The following ABCC1 variants were observed in gnomAD, a reference collection of about 807,000 sequenced individuals.
The protein encoded by ABCC1 is multidrug resistance-associated protein 1.
ABCC1 carries 83 observed loss-of-function variants against 172.9 expected under a neutral mutation model. The observed-to-expected ratio is 0.48, with a 90% CI of 0.40 to 0.58. The LOEUF is 0.58. Among genes scored for constraint, ABCC1 ranks in the 20% least tolerant of loss-of-function variants. The pLI is 0.00. For missense variants in ABCC1, 1,817 were observed against 2,002.7 expected, an observed-to-expected ratio of 0.91 and a Z score of 1.77; for synonymous variants, 937 against 825.2, an observed-to-expected ratio of 1.14 and a Z score of -2.32.
chr16:16,136,318 C>G (rs909968672), intron 28 of ABCC1, among the ~76,000 whole-genome samples, 160 bp from the exon 29 acceptor site: 3 of 152,158 alleles, frequency 2.0e-5, no homozygotes. Context: ...ACCACCGTAC[C>G]TGGCCTTTTT....
chr16:16,087,226 A>C (rs1174530200), intron 18 of ABCC1, among the ~76,000 whole-genome samples: 1 of 152,118 alleles, frequency 6.6e-6, no homozygotes, highest in Non-Finnish European at 1.5e-5. Context: ...CTCCATGGCC[A>C]AGGGAGGCCT....
At chr16:16,137,649 C>A (rs923171113) in intron 29 of ABCC1, among the ~76,000 whole-genome samples, 5 of 142,392 alleles carry the variant, frequency 3.5e-5, no homozygotes, top group Non-Finnish European at 6.1e-5. Flanking sequence ...CGCCCCCAGG[C>A]TCAAGCAATT....
At chr16:16,124,761 G>A in intron 24 of ABCC1, 28 bp from the exon 25 acceptor site, 2 of 1,613,766 alleles carry the variant, frequency 1.2e-6, no homozygotes, top group Non-Finnish European at 1.7e-6. Flanking sequence ...CTCCATGCCT[G>A]TTTGTCTGCC....
In ABCC1 at chr16:16,111,358, T is replaced by C. The variant is rs1199904089; in HGVS notation, c.2872-17T>C. The C allele has an allele frequency of 6.2e-7, 1 of 1,612,506 alleles. No individual in the cohort carries two copies. The highest frequency in any genetic ancestry group is 1.7e-5 in the Admixed American group (1 of 60,008). ...TGCGTGCATGTGCTAAGCTGCCTTATCTCCTGTGATCTCCAGGTCAAGCTT... is the reference window on the plus strand; with the variant it reads ...TGCGTGCATGTGCTAAGCTGCCTTACCTCCTGTGATCTCCAGGTCAAGCTT... On this transcript the variant is annotated splice_polypyrimidine_tract_variant and intron_variant, in intron 21 of 30. Transcript: ENST00000399410.
intron 1 of ABCC1, among the ~76,000 whole-genome samples, chr16:15,961,183 A>G (rs912094544): frequency 1.3e-5 from 2 of 151,900 alleles, no homozygotes; most frequent in Non-Finnish European, 2.9e-5. Flanking sequence ...ATTTTGTTTT[A>G]TGAGTCTCTT....
At chr16:16,112,348 A>C (rs1377327475) in intron 22 of ABCC1, among the ~76,000 whole-genome samples, 1 of 151,070 alleles carries the variant, frequency 6.6e-6, no homozygotes. Flanking sequence ...TGGGTGACAG[A>C]GCAAGACCCT....
chr16:16,070,836 C>G (rs543784435), intron 13 of ABCC1, among the ~76,000 whole-genome samples: 1 of 152,290 alleles, frequency 6.6e-6, no homozygotes, highest in Admixed American at 6.5e-5. Flanking sequence ...AAATCTCAGA[C>G]CCCTTACATT....
At chr16:16,098,982 G>A (rs1401936994) in intron 19 of ABCC1, 1 of 1,226,262 alleles carries the variant, frequency 8.2e-7, no homozygotes, top group Non-Finnish European at 1.1e-6. Context: ...TGCATGTCTG[G>A]GGAGGTGCCG....
intron 12 of ABCC1, among the ~76,000 whole-genome samples, chr16:16,062,805 A>G (rs921285456): frequency 2.6e-5 from 4 of 152,204 alleles, no homozygotes; most frequent in Non-Finnish European, 4.4e-5. Context: ...AGGCCGGGGA[A>G]GGCCAGGGAT....
At chr16:16,078,085 G>C (rs1268922107) in intron 15 of ABCC1, among the ~76,000 whole-genome samples, 3 of 152,220 alleles carry the variant, frequency 2.0e-5, no homozygotes, top group African/African-American at 7.2e-5. Flanking sequence ...TTGAACCTGG[G>C]AGGCACAGGT....
At chr16:16,053,008 G>T (rs1397819192) in intron 11 of ABCC1, among the ~76,000 whole-genome samples, 192 bp downstream of exon 11, 2 of 152,126 alleles carry the variant, frequency 1.3e-5, no homozygotes, top group African/African-American at 4.8e-5. Flanking sequence ...ACTTATTGTG[G>T]GTGGGGTCTG....
chr16:15,993,423 T>C (rs1237583292), intron 1 of ABCC1, among the ~76,000 whole-genome samples: 1 of 152,156 alleles, frequency 6.6e-6, no homozygotes, highest in East Asian at 1.9e-4. Context: ...AATCAAGGCC[T>C]GGTGAGGTGA....
chr16:16,091,356 G>A (rs926930020), intron 19 of ABCC1, among the ~76,000 whole-genome samples: 2 of 145,296 alleles, frequency 1.4e-5, no homozygotes, highest in African/African-American at 5.0e-5. Flanking sequence ...CTTGAAGCCA[G>A]GAGGAATTCA....
chr16:16,132,507 G>GTTTTTTTTTT (rs1379143382), intron 27 of ABCC1, among the ~76,000 whole-genome samples: 3 of 75,062 alleles, frequency 4.0e-5, no homozygotes, highest in Non-Finnish European at 5.5e-5. Flanking sequence ...TTTTTGGTTG[G>GTTTTTTTTTT]TTGTTTTTTT....
intron 17 of ABCC1, among the ~76,000 whole-genome samples, chr16:16,086,358 A>G (rs567736060): frequency 6.6e-6 from 1 of 152,296 alleles, no homozygotes; most frequent in Non-Finnish European, 1.5e-5. Context: ...GCGTGACCTC[A>G]TGCCTTCAGC....
chr16:16,063,909 G>A lies in ABCC1; in HGVS notation c.1678-4247G>A, dbSNP rs1391054732. Among the ~76,000 whole-genome samples, 3 of 152,182 alleles carry A rather than the reference G, an allele frequency of 2.0e-5. No individual in the cohort carries two copies. The East Asian group carries it at 5.8e-4, about 29-fold the overall frequency. On this transcript the variant is annotated intron_variant, in intron 12 of 30. Coordinates refer to ENST00000399410, the MANE Select transcript of ABCC1 (RefSeq NM_004996.4). ...CTTCCTGAGCCAGTCACTGAGGCCA[G>A]GGAGATAGGATGCTTGGGTCAGCCA...
In ABCC1 at chr16:16,045,911, C is replaced by T. The variant is rs2049188605; in HGVS notation, c.1116C>T (p.Val372=). 1 of 1,614,190 alleles carries T rather than the reference C, an allele frequency of 6.2e-7. No homozygotes were observed. Among genetic ancestry groups the T allele is most frequent in the African/African-American group, 1.3e-5 (1 of 75,058 alleles). ...QGYFYTVLLF[V]TACLQTLVLH... ...ACTTCTACACCGTGCTGCTGTTTGTCACTGCCTGCCTGCAGACCCTCGTGC... is the reference window on the plus strand; with the variant it reads ...ACTTCTACACCGTGCTGCTGTTTGTTACTGCCTGCCTGCAGACCCTCGTGC... The change falls in exon 9 of 31, where the codon GTC becomes GTT. Residue 372 remains valine (V), a synonymous_variant. Transcript: ENST00000399410.
At chr16:16,067,730 G>A (rs980662984) in intron 12 of ABCC1, among the ~76,000 whole-genome samples, 7 of 152,182 alleles carry the variant, frequency 4.6e-5, no homozygotes, top group African/African-American at 1.7e-4. Flanking sequence ...CAGATGGCAG[G>A]GCTATTTGGG....
chr16:15,998,299 A>AT (rs1178830996), intron 1 of ABCC1, among the ~76,000 whole-genome samples: 1 of 150,250 alleles, frequency 6.7e-6, no homozygotes, highest in Non-Finnish European at 1.5e-5. Context: ...TAATTTTTAA[A>AT]TTTTTTTGGT....
Sources: allele counts gnomAD v4.1 joint callset (sites outside exome capture counted in the v4.1 genomes callset), GRCh38; gene constraint gnomAD v4.1.1; transcripts MANE v1.5; gene names NCBI Gene and HGNC (gene_info 2026-07-23, HGNC 2026-07-21).